ZNF385D: variants seen among roughly 807,000 people sequenced by gnomAD.
The protein encoded by ZNF385D is zinc finger protein 385D, also known as zinc finger protein 659.
In ZNF385D, 15 loss-of-function variants were observed where a neutral mutation model predicts 35.8. The observed-to-expected ratio is 0.42, with a 90% CI of 0.28 to 0.64. ZNF385D has a LOEUF of 0.64. Among genes scored for constraint, ZNF385D ranks in the 30% least tolerant of loss-of-function variants. The probability of loss-of-function intolerance (pLI) is 0.23; values close to 1 mark genes in which losing one functional copy is unlikely to be tolerated. For missense variants in ZNF385D, 474 were observed against 494.6 expected (o/e 0.96, Z 0.39); for synonymous variants, 212 against 186.8 (o/e 1.13, Z -1.10).
chr3:21,664,103 G>T (rs2066328147), intron 2 of ZNF385D, among the ~76,000 whole-genome samples: 3 of 142,462 alleles, frequency 2.1e-5, no homozygotes, highest in Middle Eastern at 3.6e-3. Flanking sequence ...AGGCTGAAAA[G>T]ATAATATTAA....
At chr3:21,706,810 T>G (rs1190827031) in intron 1 of ZNF385D, among the ~76,000 whole-genome samples, 1 of 139,524 alleles carries the variant, frequency 7.2e-6, no homozygotes, top group Non-Finnish European at 1.5e-5. Context: ...ACAAAGATAA[T>G]AGATGATAGA....
intron 3 of ZNF385D, among the ~76,000 whole-genome samples, chr3:21,810,522 T>A (rs903683634): frequency 1.2e-4 from 19 of 152,006 alleles, no homozygotes; most frequent in African/African-American, 4.4e-4. Context: ...TAAAGTATAA[T>A]AAAAAAACTA....
chr3:21,570,866 C>G (rs1409155990), intron 2 of ZNF385D, among the ~76,000 whole-genome samples: 1 of 151,894 alleles, frequency 6.6e-6, no homozygotes, highest in African/African-American at 2.4e-5. Flanking sequence ...AGTGGAGATC[C>G]TGGTGTATTT....
At position 21,750,763 on chromosome 3, in the gene ZNF385D, G is replaced by C. The variant is rs533344460; in HGVS notation, c.22+132C>G. On this transcript the variant is annotated intron_variant, in intron 1 of 7. Coordinates refer to ENST00000281523, the MANE Select transcript of ZNF385D (RefSeq NM_024697.3). ...AAGCTTTGAAGGCTGCACCGGCTTG[G>C]TCCTCCAGTTGCCAACTGGAGGTAG... The C allele has an allele frequency of 7.9e-5, 86 of 1,086,174 alleles. 2 individuals carry two copies. The South Asian group carries it at 1.0e-3, about 13-fold the overall frequency. 67.3% of individuals were successfully genotyped at this position (1,086,174 alleles called of 1,614,324 possible). A position where few individuals can be genotyped will look rare whatever the true frequency, so the allele number is the denominator to read the frequency against.
At chr3:22,138,595 G>A (rs1020353918) in intron 3 of ZNF385D, among the ~76,000 whole-genome samples, 1 of 151,412 alleles carries the variant, frequency 6.6e-6, no homozygotes, top group Non-Finnish European at 1.5e-5. Flanking sequence ...AAATGGTGCT[G>A]GGAAAACTGG....
intron 2 of ZNF385D, among the ~76,000 whole-genome samples, chr3:22,322,029 A>T (rs1694461131): frequency 6.6e-6 from 1 of 152,014 alleles, no homozygotes; most frequent in African/African-American, 2.4e-5. Flanking sequence ...CCTTTACCCA[A>T]TTATAGCTTT....
intron 3 of ZNF385D, among the ~76,000 whole-genome samples, chr3:22,040,445 C>A (rs1278355364): frequency 6.6e-6 from 1 of 152,058 alleles, no homozygotes; most frequent in Admixed American, 6.6e-5. Context: ...GGGTTGCAAG[C>A]CCAGCAATGT....
At chr3:22,164,851 A>G (rs1225680317) in intron 3 of ZNF385D, among the ~76,000 whole-genome samples, 7 of 152,184 alleles carry the variant, frequency 4.6e-5, no homozygotes, top group Non-Finnish European at 7.3e-5. Context: ...GGAATGAGCT[A>G]TCAAGCCATA....
intron 2 of ZNF385D, among the ~76,000 whole-genome samples, chr3:22,188,476 G>T (rs1250667546): frequency 6.6e-6 from 1 of 150,746 alleles, no homozygotes; most frequent in Non-Finnish European, 1.5e-5. Context: ...TTGAGACGGA[G>T]TCTTGCTCTG....
intron 3 of ZNF385D, among the ~76,000 whole-genome samples, chr3:21,940,738 A>G (rs1701477857): frequency 1.3e-5 from 2 of 152,230 alleles, no homozygotes; most frequent in Admixed American, 1.3e-4. Flanking sequence ...CTTGGAGTAT[A>G]AAGAGTTCAT....
chr3:22,262,920 G>A (rs1313033121), intron 2 of ZNF385D, among the ~76,000 whole-genome samples: 2 of 151,824 alleles, frequency 1.3e-5, no homozygotes, highest in African/African-American at 4.8e-5. Flanking sequence ...CCCAGGCACA[G>A]GTGCCTATGA....
intron 3 of ZNF385D, among the ~76,000 whole-genome samples, chr3:21,779,062 T>C (rs1260778554): frequency 6.6e-6 from 1 of 151,950 alleles, no homozygotes; most frequent in Non-Finnish European, 1.5e-5. Context: ...GACATAAAGG[T>C]ACACTGTTCT....
At chr3:22,078,751 T>C (rs1440507536) in intron 3 of ZNF385D, among the ~76,000 whole-genome samples, 2 of 152,108 alleles carry the variant, frequency 1.3e-5, no homozygotes, top group Non-Finnish European at 1.5e-5. Context: ...GAAGTAAATG[T>C]CATAAATTTG....
chr3:21,853,607 G>T (rs950468298), intron 3 of ZNF385D, among the ~76,000 whole-genome samples: 1 of 150,934 alleles, frequency 6.6e-6, no homozygotes, highest in Non-Finnish European at 1.5e-5. Context: ...CGAACAAAAG[G>T]GAAGCTAGAA....
intron 3 of ZNF385D, among the ~76,000 whole-genome samples, chr3:21,791,031 C>A (rs374335235): frequency 3.5e-4 from 53 of 152,306 alleles, no homozygotes; most frequent in African/African-American, 1.3e-3. Flanking sequence ...GCAGGCATAG[C>A]GCCATTTCAG....
At chr3:22,127,444 A>G (rs1422061659) in intron 3 of ZNF385D, among the ~76,000 whole-genome samples, 1 of 142,540 alleles carries the variant, frequency 7.0e-6, no homozygotes. Flanking sequence ...GCTTCAAGCG[A>G]TTCTCCTGCC....
chr3:22,236,541 G>T (rs1217365073), intron 2 of ZNF385D, among the ~76,000 whole-genome samples: 1 of 152,042 alleles, frequency 6.6e-6, no homozygotes, highest in Non-Finnish European at 1.5e-5. Flanking sequence ...TAAATGGTCT[G>T]ATTTTTAAAT....
intron 2 of ZNF385D, among the ~76,000 whole-genome samples, chr3:22,228,150 A>G (rs1698670085): frequency 6.6e-6 from 1 of 152,312 alleles, no homozygotes; most frequent in South Asian, 2.1e-4. Context: ...GGAGATGGCA[A>G]TTGGTGAGAC....
chr3:21,478,676 A>G (rs1284057318), intron 4 of ZNF385D, among the ~76,000 whole-genome samples: 1 of 152,166 alleles, frequency 6.6e-6, no homozygotes, highest in East Asian at 1.9e-4. Flanking sequence ...CCTCTGATAC[A>G]GAAAGAATCA....
Sources: gnomAD v4.1 joint callset for allele counts (sites outside exome capture counted in the v4.1 genomes callset) on GRCh38, gnomAD v4.1.1 for gene constraint, MANE v1.5 for transcripts, NCBI Gene and HGNC (gene_info 2026-07-23, HGNC 2026-07-21) for gene names.